The following MYLK3 variants were observed in gnomAD, a reference collection of about 807,000 sequenced individuals.
MYLK3 encodes the protein MLC kinase.
In MYLK3, 55 loss-of-function variants were observed where a neutral mutation model predicts 76.3. The ratio of observed to expected loss-of-function variants is 0.72; its 90% CI spans 0.58 to 0.90. The LOEUF is 0.90. Ranked by LOEUF, MYLK3 falls within the 40% of genes least tolerant of loss-of-function variation. The pLI is 0.00. For missense variants in MYLK3, 973 were observed against 1,053.6 expected (o/e 0.92, Z 1.06); for synonymous variants, 416 against 425.4 (o/e 0.98, Z 0.27).
chr16:46,753,299 C>T (rs762920240), upstream of MYLK3, among the ~76,000 whole-genome samples: 5 of 152,164 alleles, frequency 3.3e-5, no homozygotes, highest in Non-Finnish European at 7.3e-5. Context: ...CACAGAAGGG[C>T]CTGACCAGGC....
chr16:46,756,001 G>A (rs1184652329), intron 1 of MYLK3, among the ~76,000 whole-genome samples: 5 of 136,240 alleles, frequency 3.7e-5, no homozygotes, highest in African/African-American at 5.4e-5. Context: ...TCCGCCTCCC[G>A]GGTTCAAGCA....
Position 46,748,009 on chromosome 16 carries a change from C to G in MYLK3, c.185G>C (p.Arg62Pro), listed in dbSNP as rs762293646. Reference sequence around the variant, plus strand: ...GGAGGCCTCCAGCCTGTGCAGGCCCCGCTCCAGGTGGCCCATGTCTCGGCA... The same window carrying G: ...GGAGGCCTCCAGCCTGTGCAGGCCCGGCTCCAGGTGGCCCATGTCTCGGCA... ...SMCRDMGHLE[R>P]GLHRLEASRA... Residue 62 changes from arginine (R) to proline (P), a missense_variant, in exon 1 of 13, where the codon CGG becomes CCG. Coordinates refer to ENST00000394809, the MANE Select transcript of MYLK3 (RefSeq NM_182493.3). This position sits in a 1 kb window ranked among gnomAD's most constrained non-coding sequence, Gnocchi z 4.3. The G allele has an allele frequency of 1.2e-6, 2 of 1,613,808 alleles. No individual in the cohort carries two copies. The highest frequency in any genetic ancestry group is 2.2e-5 in the South Asian group (2 of 91,084).
intron 9 of MYLK3, among the ~76,000 whole-genome samples, chr16:46,715,517 G>A (rs932467720): frequency 5.9e-5 from 9 of 152,136 alleles, no homozygotes; most frequent in African/African-American, 1.2e-4. Context: ...CACAGGGCTC[G>A]GGGAAGGCAT....
intron 3 of MYLK3, among the ~76,000 whole-genome samples, chr16:46,736,088 G>A (rs1001625260): frequency 3.3e-5 from 5 of 152,152 alleles, no homozygotes; most frequent in African/African-American, 1.2e-4. Flanking sequence ...ACTCACTACA[G>A]CCTCAACCTC....
At chr16:46,734,517 G>C (rs1356599060) in intron 3 of MYLK3, among the ~76,000 whole-genome samples, 1 of 152,156 alleles carries the variant, frequency 6.6e-6, no homozygotes, top group Admixed American at 6.5e-5. Flanking sequence ...GGGAGGCTGA[G>C]GGAGGAGAAT....
In MYLK3 at chr16:46,747,834, C is replaced by T. The variant is rs755654598; in HGVS notation, c.360G>A (p.Ala120=). 1.5e-5 allele frequency: 25 copies of T among 1,614,186 alleles called. No homozygotes were observed. Among genetic ancestry groups the T allele is most frequent in the South Asian group, 7.7e-5 (7 of 91,086 alleles). ...RLEALFRMVA[A]VDRAIALVGA... Reference sequence around the variant, plus strand: ...CCACCAAAGCGATGGCCCTGTCCACCGCAGCCACCATCCTGAAGAGGGCCT... The same window carrying T: ...CCACCAAAGCGATGGCCCTGTCCACTGCAGCCACCATCCTGAAGAGGGCCT... Residue 120 remains alanine (A), a synonymous_variant, in exon 1 of 13, where the codon GCG becomes GCA. Coordinates refer to ENST00000394809, the MANE Select transcript of MYLK3 (RefSeq NM_182493.3).
At chr16:46,753,768 C>G (rs1019239621) in intron 1 of MYLK3, among the ~76,000 whole-genome samples, 5 of 152,128 alleles carry the variant, frequency 3.3e-5, no homozygotes, top group African/African-American at 1.2e-4. Flanking sequence ...TTTTAATTAG[C>G]TGGGTGTGGT....
In MYLK3 at chr16:46,748,005, G is replaced by T. The variant is rs769011944; in HGVS notation, c.189C>A (p.Gly63=). The change falls in exon 1 of 13, where the codon GGC becomes GGA. Residue 63 remains glycine (G), a synonymous_variant. Coordinates refer to ENST00000394809, the MANE Select transcript of MYLK3 (RefSeq NM_182493.3). The surrounding 1 kb of genome is among the most constrained non-coding windows in gnomAD (Gnocchi z 4.3). ...MCRDMGHLER[G]LHRLEASRAP... ...CCCGGGAGGCCTCCAGCCTGTGCAGGCCCCGCTCCAGGTGGCCCATGTCTC... is the reference window on the plus strand; with the variant it reads ...CCCGGGAGGCCTCCAGCCTGTGCAGTCCCCGCTCCAGGTGGCCCATGTCTC... 1.2e-6 allele frequency: 2 copies of T among 1,613,722 alleles called. No individual in the cohort carries two copies. Among genetic ancestry groups the T allele is most frequent in the Non-Finnish European group, 1.7e-6 (2 of 1,180,020 alleles).
At chr16:46,726,981 G>T (rs916871910) in intron 8 of MYLK3, 1 of 348,648 alleles carries the variant, frequency 2.9e-6, no homozygotes, top group Non-Finnish European at 5.2e-6. Context: ...TAATCTTAAA[G>T]ATATTTTTAA....
In MYLK3 at chr16:46,704,112, T is replaced by G. The variant is rs531465969; in HGVS notation, c.*3592A>C. On this transcript the variant is annotated 3_prime_UTR_variant, in exon 13 of 13. Transcript: ENST00000394809. ...TTTTTTTGTTTTGTTTGTTTGTTTG[T>G]TTTTTGTCAGGGGTGGGGACAAAGT... 1 of 152,270 alleles carries G rather than the reference T, an allele frequency of 6.6e-6. No homozygotes were observed. Among genetic ancestry groups the G allele is most frequent in the Non-Finnish European group, 1.5e-5 (1 of 68,088 alleles). The allele number at this position is 152,270 out of a possible 1,614,324, so 9.4% of individuals were successfully genotyped here.
At chr16:46,751,890 C>T (rs943829143), upstream of MYLK3, among the ~76,000 whole-genome samples, 11 of 152,148 alleles carry the variant, frequency 7.2e-5, no homozygotes, top group Non-Finnish European at 1.2e-4. Flanking sequence ...GGATGCTTCT[C>T]TCTAACTCTC....
intron 1 of MYLK3, among the ~76,000 whole-genome samples, chr16:46,756,155 C>T (rs1324997181): frequency 2.0e-5 from 3 of 152,140 alleles, no homozygotes; most frequent in African/African-American, 4.8e-5. Flanking sequence ...GGCAATCCAC[C>T]CGCCTTGGTC....
In MYLK3 at chr16:46,712,637, T is replaced by TA; in HGVS notation, c.2114+10dup. On this transcript the variant is annotated intron_variant, in intron 10 of 12. Coordinates refer to ENST00000394809, the MANE Select transcript of MYLK3 (RefSeq NM_182493.3). ...TGTCCCCACTTCAGAGCCAGGGTGC[T>TA]AAGCACTCACAGCATGTAGGTGATG... 6.8e-7 allele frequency: 1 copy of TA among 1,481,138 alleles called. No individual in the cohort carries two copies. Among genetic ancestry groups the TA allele is most frequent in the Non-Finnish European group, 9.0e-7 (1 of 1,111,670 alleles). The allele number at this position is 1,481,138 out of a possible 1,614,324, so 91.7% of individuals were successfully genotyped here. A position where few individuals can be genotyped will look rare whatever the true frequency, so the allele number is the denominator to read the frequency against.
chr16:46,708,456 A>AT (rs906746229), intron 12 of MYLK3, among the ~76,000 whole-genome samples: 36 of 150,632 alleles, frequency 2.4e-4, no homozygotes, highest in South Asian at 8.4e-4. Context: ...AAATGTTGTG[A>AT]TTTTTTTTTT....
chr16:46,740,549 A>ATTT (rs1254192960), intron 1 of MYLK3, among the ~76,000 whole-genome samples: 10 of 103,110 alleles, frequency 9.7e-5, no homozygotes, highest in Admixed American at 2.1e-4. Context: ...ATATATATAT[A>ATTT]TATTTTTTTT....
chr16:46,728,456 C>A (rs573789515), intron 7 of MYLK3, among the ~76,000 whole-genome samples: 12 of 152,216 alleles, frequency 7.9e-5, no homozygotes, highest in Non-Finnish European at 1.5e-4. Context: ...TGTGGTGGCT[C>A]ACACCTGTAA....
Position 46,729,673 on chromosome 16 carries a change from T to G in MYLK3, c.1583A>C (p.Gln528Pro). The G allele has an allele frequency of 6.2e-7, 1 of 1,613,644 alleles. No individual in the cohort carries two copies. Among genetic ancestry groups the G allele is most frequent in the Non-Finnish European group, 8.5e-7 (1 of 1,179,754 alleles). Residue 528 changes from glutamine to proline, a missense_variant, in exon 6 of 13, where the codon CAG becomes CCG. Gln to Pro is a moderately conservative substitution (Grantham distance 76, BLOSUM62 -1). Coordinates refer to ENST00000394809, the MANE Select transcript of MYLK3 (RefSeq NM_182493.3). ...HEVLGGGRFG[Q>P]VHRCTEKSTG... Reference sequence around the variant, plus strand: ...GGACTTCTCTGTGCACCTGTGGACCTGGCCAAACCGACCCCTGCAGAGACA... The same window carrying G: ...GGACTTCTCTGTGCACCTGTGGACCGGGCCAAACCGACCCCTGCAGAGACA...
intron 3 of MYLK3, among the ~76,000 whole-genome samples, chr16:46,734,488 C>T (rs1966859651): frequency 6.6e-6 from 1 of 152,114 alleles, no homozygotes; most frequent in South Asian, 2.1e-4. Flanking sequence ...GTGGCACGTG[C>T]TTGTAGTCCC....
intron 2 of MYLK3, 55 bp from the exon 3 acceptor site, chr16:46,738,198 A>G (rs1337614031): frequency 7.2e-7 from 1 of 1,393,076 alleles, no homozygotes; most frequent in African/African-American, 1.4e-5. Context: ...AGTCTGCCAC[A>G]AAGATACTGC....
Sources: allele counts gnomAD v4.1 joint callset (sites outside exome capture counted in the v4.1 genomes callset), GRCh38; gene constraint gnomAD v4.1.1; non-coding constraint Gnocchi (gnomAD v3.1); transcripts MANE v1.5; gene names NCBI Gene and HGNC (gene_info 2026-07-23, HGNC 2026-07-21).